The following HMGCLL1 variants were observed in gnomAD, a reference collection of about 807,000 sequenced individuals.
HMGCLL1 encodes 3-hydroxy-3-methylglutaryl-CoA lyase like 1.
Under a neutral mutation model 39.1 loss-of-function variants are expected in HMGCLL1, and 36 were observed. The ratio of observed to expected loss-of-function variants is 0.92; its 90% CI spans 0.71 to 1.22. The LOEUF (loss-of-function observed/expected upper bound fraction) is 1.22, where lower values mean the gene tolerates loss of function less well. HMGCLL1 is among the 50% of genes most tolerant of loss of function. The pLI, the probability that HMGCLL1 is intolerant of heterozygous loss-of-function variation, is 0.00. For missense variants in HMGCLL1, 451 were observed against 416.5 expected (o/e 1.08, Z -0.72); for synonymous variants, 149 against 144.0 (o/e 1.03, Z -0.25).
rs142616648 is a variant in HMGCLL1 at position 55,472,781 on chromosome 6, C to T, written c.795+22638G>A. ...AATTAAAACAAACTGCTTGATAGTG[C>T]TGTTCAAATAAACTATATTCTTGTT... On this transcript the variant is annotated intron_variant, in intron 7 of 8. Transcript: ENST00000274901. Among the ~76,000 whole-genome samples, 31 of 151,526 alleles carry T rather than the reference C, an allele frequency of 2.0e-4. No homozygotes were observed. The East Asian group carries it at 6.0e-3, about 29-fold the overall frequency.
chr6:55,459,336 T>C (rs62407066), intron 7 of HMGCLL1, among the ~76,000 whole-genome samples: 9,191 of 152,142 alleles, frequency 0.06, 313 homozygotes, highest in East Asian at 0.16. Context: ...TAGGAAAATA[T>C]TAAGAGTTTA....
the HMGCLL1 span, among the ~76,000 whole-genome samples, chr6:55,601,957 T>A: frequency 2.0e-5 from 3 of 152,118 alleles, no homozygotes; most frequent in Middle Eastern, 3.2e-3. Flanking sequence ...ATCCATTCAA[T>A]CCTAATGTGT....
At chr6:55,616,482 G>A in the HMGCLL1 span, among the ~76,000 whole-genome samples, 2 of 152,130 alleles carry the variant, frequency 1.3e-5, no homozygotes, top group African/African-American at 4.8e-5. Flanking sequence ...AGCTGGGCCA[G>A]TTCAGACTCC....
intron 3 of HMGCLL1, among the ~76,000 whole-genome samples, chr6:55,531,233 G>A (rs774904360): frequency 6.6e-6 from 1 of 152,108 alleles, no homozygotes; most frequent in Non-Finnish European, 1.5e-5. Context: ...TAAGTGGCTT[G>A]GGAGTCATAT....
chr6:55,469,231 C>A (rs1764924289), intron 7 of HMGCLL1, among the ~76,000 whole-genome samples: 1 of 150,664 alleles, frequency 6.6e-6, no homozygotes. Context: ...ATTTGTTGAT[C>A]TTGAAGCCTG....
intron 5 of HMGCLL1, among the ~76,000 whole-genome samples, chr6:55,508,605 T>C (rs1156482649): frequency 6.6e-6 from 1 of 151,870 alleles, no homozygotes; most frequent in Non-Finnish European, 1.5e-5. Flanking sequence ...TTCTAAATGT[T>C]CATTTTTCTA....
At chr6:55,577,027 AAAC>A in intron 1 of HMGCLL1, 1 of 1,609,152 alleles carries the variant, frequency 6.2e-7, no homozygotes, top group East Asian at 2.2e-5. Context: ...ATTGTCACTC[AAAC>A]TCACACTAGG....
the HMGCLL1 span, among the ~76,000 whole-genome samples, chr6:55,666,180 T>C: frequency 6.6e-6 from 1 of 151,722 alleles, no homozygotes; most frequent in African/African-American, 2.4e-5. Context: ...GTCCCAATTG[T>C]ATGCTAAAAA....
chr6:55,469,607 G>A (rs7749819), intron 7 of HMGCLL1, among the ~76,000 whole-genome samples: 32,925 of 150,876 alleles, frequency 0.22, 4,785 homozygotes, highest in African/African-American at 0.42. Context: ...TAGCGAAGTC[G>A]AGAGGAAAAG....
At chr6:55,457,364 A>G (rs533812348) in intron 7 of HMGCLL1, among the ~76,000 whole-genome samples, 1 of 152,322 alleles carries the variant, frequency 6.6e-6, no homozygotes, top group African/African-American at 2.4e-5. Flanking sequence ...AGGTTATTCA[A>G]AGTCATGAAA....
intron 5 of HMGCLL1, among the ~76,000 whole-genome samples, chr6:55,504,067 A>G (rs1484717462): frequency 6.6e-6 from 1 of 151,782 alleles, no homozygotes; most frequent in East Asian, 1.9e-4. Context: ...TCTACTGAAT[A>G]AACTGGTGTT....
At chr6:55,598,142 G>A in the HMGCLL1 span, among the ~76,000 whole-genome samples, 6 of 152,142 alleles carry the variant, frequency 3.9e-5, no homozygotes, top group East Asian at 9.7e-4. Context: ...AATAATAATA[G>A]AATAAATTTG....
chr6:55,653,442 G>T, the HMGCLL1 span, among the ~76,000 whole-genome samples: 1 of 151,840 alleles, frequency 6.6e-6, no homozygotes, highest in African/African-American at 2.4e-5. Context: ...AGATCTTAGA[G>T]AAAAAATACA....
chr6:55,608,494 A>C, the HMGCLL1 span, among the ~76,000 whole-genome samples: 11 of 152,300 alleles, frequency 7.2e-5, no homozygotes, highest in African/African-American at 2.6e-4. Flanking sequence ...TAGGGAAAAA[A>C]AACAGGCTAA....
chr6:55,511,211 C>G (rs1313982831), intron 5 of HMGCLL1, among the ~76,000 whole-genome samples: 1 of 152,032 alleles, frequency 6.6e-6, no homozygotes, highest in East Asian at 1.9e-4. Flanking sequence ...TAAAAAAAGT[C>G]ACATGAACTG....
chr6:55,455,015 G>GAA (rs1764263421), intron 7 of HMGCLL1, among the ~76,000 whole-genome samples: 2 of 147,418 alleles, frequency 1.4e-5, no homozygotes, highest in African/African-American at 5.1e-5. Flanking sequence ...GAGACTGAGA[G>GAA]AAGATCACTT....
intron 3 of HMGCLL1, among the ~76,000 whole-genome samples, chr6:55,525,569 TCCA>T (rs1768275736): frequency 1.3e-5 from 2 of 151,932 alleles, no homozygotes; most frequent in South Asian, 4.1e-4. Flanking sequence ...AAAACCCACT[TCCA>T]CCAAGTGGAA....
chr6:55,676,350 C>T, the HMGCLL1 span, among the ~76,000 whole-genome samples: 1 of 152,180 alleles, frequency 6.6e-6, no homozygotes, highest in African/African-American at 2.4e-5. Context: ...CTTCCTCCCT[C>T]TACCATCTTA....
At chr6:55,498,678 G>C (rs1334241235) in intron 6 of HMGCLL1, among the ~76,000 whole-genome samples, 2 of 151,940 alleles carry the variant, frequency 1.3e-5, no homozygotes, top group Admixed American at 1.3e-4. Context: ...AAATAATAAA[G>C]GACAGGAAGA....
Sources: allele counts gnomAD v4.1 joint callset (sites outside exome capture counted in the v4.1 genomes callset), GRCh38; gene constraint gnomAD v4.1.1; transcripts MANE v1.5; gene names NCBI Gene and HGNC (gene_info 2026-07-23, HGNC 2026-07-21).